TLCD3B: variants seen among roughly 807,000 people sequenced by gnomAD.
TLCD3B encodes TLC domain containing 3B.
TLCD3B carries 9 observed loss-of-function variants against 23.0 expected under a neutral mutation model. The ratio of observed to expected loss-of-function variants is 0.39; its 90% CI spans 0.24 to 0.68. The LOEUF (loss-of-function observed/expected upper bound fraction) is 0.68. Ranked by LOEUF, TLCD3B falls within the 30% of genes least tolerant of loss-of-function variation. The pLI is 0.44. For synonymous variants in TLCD3B, 161 were observed against 161.0 expected (o/e 1.00, Z 0.00); for missense variants, 307 against 371.8 (o/e 0.83, Z 1.43).
intron 1 of TLCD3B, among the ~76,000 whole-genome samples, chr16:30,051,389 T>G (rs924434824): frequency 6.6e-6 from 1 of 151,018 alleles, no homozygotes; most frequent in African/African-American, 2.4e-5. Flanking sequence ...CAAAATTAGC[T>G]GGGCATGGTG....
intron 2 of TLCD3B, among the ~76,000 whole-genome samples, chr16:30,044,828 C>T (rs2150996624): frequency 6.6e-6 from 1 of 152,188 alleles, no homozygotes; most frequent in Admixed American, 6.5e-5. Flanking sequence ...AGCCTGTAAT[C>T]CCAGCACTTT....
intron 3 of TLCD3B, among the ~76,000 whole-genome samples, chr16:30,039,266 G>A (rs781608909): frequency 5.5e-4 from 83 of 152,150 alleles, no homozygotes; most frequent in Middle Eastern, 6.8e-3. Context: ...TGGGATTACA[G>A]CCATGCGCCA....
At chr16:30,051,087 A>G (rs766550291) in intron 1 of TLCD3B, among the ~76,000 whole-genome samples, 9 of 152,144 alleles carry the variant, frequency 5.9e-5, no homozygotes, top group Non-Finnish European at 1.0e-4. Context: ...GTTTGGTTTC[A>G]ATTCATTCAT....
chr16:30,039,928 G>A (rs562577127), intron 3 of TLCD3B, among the ~76,000 whole-genome samples: 15 of 151,926 alleles, frequency 9.9e-5, no homozygotes, highest in African/African-American at 3.1e-4. Context: ...GAGGTCAGGA[G>A]TTCGAGACCA....
upstream of TLCD3B, chr16:30,035,438 G>C: frequency 7.8e-7 from 1 of 1,289,572 alleles, no homozygotes; most frequent in Non-Finnish European, 1.0e-6. Flanking sequence ...GAAGCACAAC[G>C]GGAAGAAGAC....
intron 3 of TLCD3B, among the ~76,000 whole-genome samples, chr16:30,036,890 T>A (rs1240766177): frequency 6.6e-6 from 1 of 151,384 alleles, no homozygotes; most frequent in East Asian, 2.0e-4. Context: ...TTCGAGACCA[T>A]ACTGGCTAAC....
At chr16:30,027,038 G>A (rs2071175025) in intron 2 of TLCD3B, 195 bp from the exon 3 acceptor site, 2 of 684,894 alleles carry the variant, frequency 2.9e-6, no homozygotes, top group South Asian at 3.0e-5. Flanking sequence ...ATGGTGCTGG[G>A]ATTCAAACCT....
chr16:30,040,641 G>A (rs2071566945), intron 3 of TLCD3B, among the ~76,000 whole-genome samples: 1 of 151,668 alleles, frequency 6.6e-6, no homozygotes, highest in Non-Finnish European at 1.5e-5. Flanking sequence ...GCACCCCTCT[G>A]CAGTTATTTT....
intron 3 of TLCD3B, among the ~76,000 whole-genome samples, chr16:30,040,143 A>ATATATATAT (rs1352468328): frequency 6.8e-5 from 7 of 103,594 alleles, no homozygotes; most frequent in African/African-American, 2.6e-4. Context: ...CAAAAAAAAA[A>ATATATATAT]AAAAATATAT....
rs1030821202 is a variant in TLCD3B at position 30,025,358 on chromosome 16, C to T, written c.650G>A (p.Arg217His). The change falls in exon 5 of 5, where the codon CGC becomes CAC. Residue 217 changes from arginine (R) to histidine (H), a missense_variant. By Grantham distance (29) the Arg-to-His change is conservative (BLOSUM62 0). Coordinates refer to ENST00000380495, the MANE Select transcript of TLCD3B (RefSeq NM_031478.6). The surrounding 1 kb of genome is among the most constrained non-coding windows in gnomAD (Gnocchi z 4.1). ...LFPYLYWAYG[R>H]HAGLPLLAVP... ...GGCCAGCAGGGGCAGGCCGGCATGGCGCCCGTAGGCCCAGTACAGGTAGGG... is the reference window on the plus strand; with the variant it reads ...GGCCAGCAGGGGCAGGCCGGCATGGTGCCCGTAGGCCCAGTACAGGTAGGG... The T allele has an allele frequency of 5.0e-6, 8 of 1,596,704 alleles. No individual in the cohort carries two copies. Among genetic ancestry groups the T allele is most frequent in the African/African-American group, 2.7e-5 (2 of 74,390 alleles).
intron 2 of TLCD3B, among the ~76,000 whole-genome samples, chr16:30,044,851 G>A (rs1348515160): frequency 6.6e-6 from 1 of 151,974 alleles, no homozygotes; most frequent in Non-Finnish European, 1.5e-5. Context: ...AGGCCGGCGG[G>A]CGGCGGGGGG....
chr16:30,032,296 T>A (rs1316745937), upstream of TLCD3B, among the ~76,000 whole-genome samples: 1 of 152,096 alleles, frequency 6.6e-6, no homozygotes, highest in Non-Finnish European at 1.5e-5. Context: ...TTATGCAAAC[T>A]CCTTTGGTCT....
At chr16:30,047,429 C>A (rs2071690884) in intron 1 of TLCD3B, among the ~76,000 whole-genome samples, 1 of 152,178 alleles carries the variant, frequency 6.6e-6, no homozygotes. Context: ...TCAAGCAATT[C>A]TCCTGCCTCA....
intron 2 of TLCD3B, chr16:30,027,317 C>T (rs1434061073): frequency 1.0e-5 from 4 of 392,572 alleles, no homozygotes; most frequent in Non-Finnish European, 2.0e-5. Context: ...TTCCAAACTT[C>T]CCATGCATAG....
intron 3 of TLCD3B, chr16:30,036,502 T>A: frequency 9.6e-7 from 1 of 1,039,584 alleles, no homozygotes; most frequent in Non-Finnish European, 1.2e-6. Flanking sequence ...CCAAGGGACC[T>A]TCTCGGGATA....
chr16:30,051,077 G>A (rs1346383368), intron 1 of TLCD3B, among the ~76,000 whole-genome samples: 2 of 152,094 alleles, frequency 1.3e-5, no homozygotes, highest in Admixed American at 6.6e-5. Flanking sequence ...CGTGGATGGT[G>A]TTTGGTTTCA....
chr16:30,025,762 G>A lies in TLCD3B; in HGVS notation c.504C>T (p.Ser168=), dbSNP rs138471923. 3.7e-6 allele frequency: 6 copies of A among 1,614,042 alleles called. No individual in the cohort carries two copies. Among genetic ancestry groups the A allele is most frequent in the Non-Finnish European group, 5.1e-6 (6 of 1,180,042 alleles). Reference sequence around the variant, plus strand: ...TCTTGCCAAGGCAGACGAAGGGCGTGCTGACCTCTGCCATCAACATGCAAC... The same window carrying A: ...TCTTGCCAAGGCAGACGAAGGGCGTACTGACCTCTGCCATCAACATGCAAC... ...FLGCMLMAEV[S]TPFVCLGKIL... Residue 168 remains serine (S), a synonymous_variant, in exon 4 of 5, where the codon AGC becomes AGT. Coordinates refer to ENST00000380495, the MANE Select transcript of TLCD3B (RefSeq NM_031478.6). The surrounding 1 kb of genome is among the most constrained non-coding windows in gnomAD (Gnocchi z 4.1).
Position 30,024,813 on chromosome 16 carries a change from T to A in TLCD3B, c.*370A>T, listed in dbSNP as rs2071027037. On this transcript the variant is annotated 3_prime_UTR_variant, in exon 5 of 5. Coordinates refer to ENST00000380495, the MANE Select transcript of TLCD3B (RefSeq NM_031478.6). ...TCTCCTCTCGGGTGATGGGGAGCCC[T>A]GGGGGATGGCAGCATAGGGGCTGGG... The A allele has an allele frequency of 4.4e-6, 1 of 229,858 alleles. No individual in the cohort carries two copies. The highest frequency in any genetic ancestry group is 1.3e-4 in the South Asian group (1 of 7,620). 14.2% of individuals were successfully genotyped at this position (229,858 alleles called of 1,614,324 possible).
intron 3 of TLCD3B, among the ~76,000 whole-genome samples, chr16:30,039,683 C>T (rs1318086759): frequency 6.6e-6 from 1 of 151,716 alleles, no homozygotes; most frequent in Non-Finnish European, 1.5e-5. Context: ...TGCTATGTTG[C>T]TCAGGCTGGT....
Sources: allele counts gnomAD v4.1 joint callset (sites outside exome capture counted in the v4.1 genomes callset), GRCh38; gene constraint gnomAD v4.1.1; non-coding constraint Gnocchi (gnomAD v3.1); transcripts MANE v1.5; gene names NCBI Gene and HGNC (gene_info 2026-07-23, HGNC 2026-07-21).